Variants in SOX5 observed in about 807,000 individuals in gnomAD.
The protein encoded by SOX5 is SRY-box transcription factor 5.
In SOX5, 9 loss-of-function variants were observed where a neutral mutation model predicts 92.0. That is an observed-to-expected ratio of 0.10 (90% CI 0.06 to 0.17). SOX5 has a LOEUF of 0.17. Ranked by LOEUF, SOX5 falls within the 10% of genes least tolerant of loss-of-function variation. The pLI, the probability that SOX5 is intolerant of heterozygous loss-of-function variation, is 1.00. For missense variants in SOX5, 642 were observed against 944.5 expected, an observed-to-expected ratio of 0.68 and a Z score of 4.20; for synonymous variants, 344 against 336.3, an observed-to-expected ratio of 1.02 and a Z score of -0.25.
chr12:23,838,999 C>T (rs1031931056), intron 3 of SOX5, among the ~76,000 whole-genome samples: 5 of 147,428 alleles, frequency 3.4e-5, no homozygotes, highest in African/African-American at 1.2e-4. Flanking sequence ...ACCACCACAC[C>T]CAGCTATTTT....
intron 1 of SOX5, among the ~76,000 whole-genome samples, chr12:24,467,017 T>C (rs904049875): frequency 6.6e-6 from 1 of 152,152 alleles, no homozygotes; most frequent in Non-Finnish European, 1.5e-5. Context: ...TCCACTTAAT[T>C]CTCTCATATG....
In SOX5 at chr12:23,555,483, G is replaced by GA. The variant is rs58190917; in HGVS notation, c.1488+7774dup. 5.8e-3 allele frequency among the ~76,000 whole-genome samples: 832 copies of GA among 142,752 alleles called. 7 individuals are homozygous for GA. Among genetic ancestry groups the GA allele is most frequent in the East Asian group, 0.041 (205 of 4,970 alleles). 93.7% of individuals were successfully genotyped at this position (142,752 alleles called of 152,430 possible). On this transcript the variant is annotated intron_variant, in intron 11 of 14. Coordinates refer to ENST00000451604, the MANE Select transcript of SOX5 (RefSeq NM_006940.6). The stretch of plus-strand genomic sequence containing the variant: ...AAATTAAACCATAAAAAGTTTACTG[G>GA]AAAAAAAAAAAACCTTTAAAAAGCT...
intron 3 of SOX5, among the ~76,000 whole-genome samples, chr12:23,842,672 T>C (rs1366341945): frequency 6.6e-6 from 1 of 152,102 alleles, no homozygotes; most frequent in African/African-American, 2.4e-5. Context: ...AAACTAATAA[T>C]AACAATCATT....
intron 1 of SOX5, among the ~76,000 whole-genome samples, chr12:24,382,794 C>T (rs1566033540): frequency 6.6e-6 from 1 of 151,676 alleles, no homozygotes; most frequent in Non-Finnish European, 1.5e-5. Flanking sequence ...ACAGTAAAAG[C>T]AAAAGAGAGG....
chr12:23,843,712 C>T (rs1365443467), intron 3 of SOX5, among the ~76,000 whole-genome samples: 2 of 151,684 alleles, frequency 1.3e-5, no homozygotes, highest in Admixed American at 6.6e-5. Context: ...TACAGGCACA[C>T]ACCACCATGC....
intron 4 of SOX5, among the ~76,000 whole-genome samples, chr12:24,131,324 A>G (rs531888615): frequency 3.3e-5 from 5 of 152,194 alleles, no homozygotes; most frequent in African/African-American, 4.8e-5. Flanking sequence ...TGTCTTTATT[A>G]TAGCATTTAT....
intron 3 of SOX5, among the ~76,000 whole-genome samples, chr12:23,809,523 A>G (rs1019730465): frequency 6.6e-6 from 1 of 151,930 alleles, no homozygotes; most frequent in African/African-American, 2.4e-5. Flanking sequence ...ATTTTATTAA[A>G]GCTGGTTTTC....
chr12:23,932,878 C>G (rs1456861590), intron 1 of SOX5, among the ~76,000 whole-genome samples: 1 of 151,486 alleles, frequency 6.6e-6, no homozygotes, highest in Non-Finnish European at 1.5e-5. Context: ...ACAGACAAAA[C>G]CATTAGTTTT....
At chr12:24,086,514 G>C (rs1569538224) in intron 4 of SOX5, among the ~76,000 whole-genome samples, 1 of 151,814 alleles carries the variant, frequency 6.6e-6, no homozygotes, top group Non-Finnish European at 1.5e-5. Context: ...GAATGAGAAA[G>C]AGTAAACTGT....
intron 4 of SOX5, among the ~76,000 whole-genome samples, chr12:24,110,449 GA>G (rs34853824): frequency 7.6e-4 from 116 of 152,252 alleles, no homozygotes; most frequent in South Asian, 5.4e-3. Context: ...TAAACAAATG[GA>G]TGACTGATCT....
intron 2 of SOX5, among the ~76,000 whole-genome samples, chr12:24,356,036 G>A (rs980420444): frequency 2.0e-5 from 3 of 146,534 alleles, no homozygotes; most frequent in African/African-American, 8.3e-5. Flanking sequence ...GGATAAAAAA[G>A]GGGAGATATT....
At chr12:24,347,324 C>T (rs1953426669) in intron 2 of SOX5, among the ~76,000 whole-genome samples, 1 of 152,150 alleles carries the variant, frequency 6.6e-6, no homozygotes, top group Admixed American at 6.5e-5. Context: ...CCTTGAGCAT[C>T]CTTGAAATTT....
intron 4 of SOX5, among the ~76,000 whole-genome samples, chr12:24,030,730 G>A (rs371778877): frequency 1.3e-5 from 2 of 151,940 alleles, no homozygotes; most frequent in South Asian, 2.1e-4. Context: ...CATAGCAAAG[G>A]AAACAACCAA....
At chr12:24,537,229 CA>C (rs1951719230) in intron 1 of SOX5, among the ~76,000 whole-genome samples, 1 of 152,144 alleles carries the variant, frequency 6.6e-6, no homozygotes, top group Admixed American at 6.5e-5. Context: ...AATTATTCTG[CA>C]ACTGGTAACA....
chr12:24,147,732 A>G (rs1394827012), intron 4 of SOX5, among the ~76,000 whole-genome samples: 1 of 152,230 alleles, frequency 6.6e-6, no homozygotes, highest in African/African-American at 2.4e-5. Context: ...TGTAAGATCA[A>G]TAAACAACAA....
chr12:23,630,230 T>A (rs1446152521), intron 8 of SOX5, among the ~76,000 whole-genome samples: 1 of 151,908 alleles, frequency 6.6e-6, no homozygotes, highest in Non-Finnish European at 1.5e-5. Flanking sequence ...ATTACCTCCA[T>A]GGAAAAATGG....
chr12:23,984,592 G>C (rs986284473), intron 4 of SOX5, among the ~76,000 whole-genome samples: 3 of 152,154 alleles, frequency 2.0e-5, no homozygotes, highest in Non-Finnish European at 4.4e-5. Context: ...GTAGTGAAGA[G>C]AGACAGGATA....
At chr12:23,625,983 T>G (rs1164154809) in intron 8 of SOX5, among the ~76,000 whole-genome samples, 2 of 150,572 alleles carry the variant, frequency 1.3e-5, no homozygotes, top group African/African-American at 4.9e-5. Flanking sequence ...AGCTAGAACT[T>G]GAAGAAAAAA....
chr12:24,460,831 TTCC>T (rs1200677499), intron 1 of SOX5: 1 of 152,166 alleles, frequency 6.6e-6, no homozygotes, highest in Non-Finnish European at 1.5e-5. Context: ...TTGTGGTAGT[TTCC>T]TCCACAGAGA....
Sources: gnomAD v4.1 joint callset for allele counts (sites outside exome capture counted in the v4.1 genomes callset) on GRCh38, gnomAD v4.1.1 for gene constraint, MANE v1.5 for transcripts, NCBI Gene and HGNC (gene_info 2026-07-23, HGNC 2026-07-21) for gene names.